AGBL1: variants seen among roughly 807,000 people sequenced by gnomAD.
The protein encoded by AGBL1 is AGBL carboxypeptidase 1, also known as cytosolic carboxypeptidase 4.
A neutral mutation model predicts 118.9 loss-of-function variants in AGBL1; 130 were observed. The observed-to-expected ratio is 1.09, with a 90% CI of 0.95 to 1.26. The LOEUF (loss-of-function observed/expected upper bound fraction) is 1.26. Among genes scored for constraint, AGBL1 ranks in the 50% most tolerant of loss-of-function variants. The probability of loss-of-function intolerance (pLI) is 0.00; values close to 1 mark genes in which losing one functional copy is unlikely to be tolerated. For synonymous variants in AGBL1, 555 were observed against 478.9 expected (o/e 1.16, Z -2.08); for missense variants, 1,584 against 1,298.1 (o/e 1.22, Z -3.38).
At chr15:86,258,144 T>C (rs910234895) in intron 9 of AGBL1, 113 bp downstream of exon 9, 6 of 1,017,392 alleles carry the variant, frequency 5.9e-6, no homozygotes, top group Non-Finnish European at 5.9e-6. Flanking sequence ...CTGACTTTAG[T>C]ACTGCCACTC....
At chr15:86,409,215 G>T (rs921075264) in intron 18 of AGBL1, among the ~76,000 whole-genome samples, 2 of 152,140 alleles carry the variant, frequency 1.3e-5, no homozygotes, top group South Asian at 2.1e-4. Context: ...TGGTGCAACC[G>T]TCCAAACCTC....
Position 86,637,284 on chromosome 15 carries a change from T to C in AGBL1, c.2995-36989T>C, listed in dbSNP as rs116024132. 4.2e-3 allele frequency among the ~76,000 whole-genome samples: 635 copies of C among 151,964 alleles called. 5 individuals carry two copies. Among genetic ancestry groups the C allele is most frequent in the African/African-American group, 0.013 (554 of 41,430 alleles). On this transcript the variant is annotated intron_variant, in intron 21 of 22. Coordinates refer to ENST00000614907, the MANE Select transcript of AGBL1 (RefSeq NM_001386094.1). Reference sequence around the variant, plus strand: ...ATGAAGAGTGGAGGGTCATGAAAAGTGTGAGAATGTGGCATGTCAGGGAGA... The same window carrying C: ...ATGAAGAGTGGAGGGTCATGAAAAGCGTGAGAATGTGGCATGTCAGGGAGA...
At chr15:86,446,595 G>A (rs990148609) in intron 18 of AGBL1, among the ~76,000 whole-genome samples, 4 of 152,042 alleles carry the variant, frequency 2.6e-5, no homozygotes, top group African/African-American at 7.2e-5. Context: ...CATTTATATC[G>A]AATCTCTCTT....
At chr15:86,338,468 G>A (rs893950112) in intron 17 of AGBL1, among the ~76,000 whole-genome samples, 18 of 151,948 alleles carry the variant, frequency 1.2e-4, no homozygotes, top group Admixed American at 1.1e-3. Flanking sequence ...AGAGTGATAC[G>A]TTATGTTTTA....
intron 17 of AGBL1, among the ~76,000 whole-genome samples, chr15:86,343,357 C>T (rs1292471353): frequency 1.3e-5 from 2 of 152,098 alleles, no homozygotes; most frequent in African/African-American, 2.4e-5. Flanking sequence ...TCCCCTGCAT[C>T]CCATTGTCGT....
At chr15:86,758,899 G>C (rs866666313) in intron 22 of AGBL1, among the ~76,000 whole-genome samples, 2 of 150,346 alleles carry the variant, frequency 1.3e-5, no homozygotes, top group Non-Finnish European at 3.0e-5. Context: ...TTTGAGCCTG[G>C]GAGGCAGAGG....
intron 20 of AGBL1, 92 bp downstream of exon 20, chr15:86,546,225 T>G: frequency 7.6e-7 from 1 of 1,314,472 alleles, no homozygotes; most frequent in Non-Finnish European, 9.9e-7. Flanking sequence ...TATTTAGTTT[T>G]TTTTTTTTTT....
chr15:86,376,885 G>C (rs1239042051), intron 17 of AGBL1, among the ~76,000 whole-genome samples: 3 of 152,242 alleles, frequency 2.0e-5, no homozygotes, highest in Non-Finnish European at 2.9e-5. Context: ...GGGTAAAGTT[G>C]ATGCTTCATT....
At chr15:86,641,341 T>C (rs1027901631) in intron 21 of AGBL1, among the ~76,000 whole-genome samples, 5 of 152,060 alleles carry the variant, frequency 3.3e-5, no homozygotes, top group African/African-American at 1.2e-4. Flanking sequence ...AAATAACGTA[T>C]AGAATATATG....
At chr15:86,588,093 T>C (rs1218557012) in intron 21 of AGBL1, among the ~76,000 whole-genome samples, 1 of 152,250 alleles carries the variant, frequency 6.6e-6, no homozygotes, top group Non-Finnish European at 1.5e-5. Context: ...GTAATGCTTA[T>C]GTTTAATTGC....
intron 23 of AGBL1, among the ~76,000 whole-genome samples, chr15:86,978,358 A>G (rs1449787073): frequency 6.6e-6 from 1 of 152,214 alleles, no homozygotes; most frequent in Non-Finnish European, 1.5e-5. Flanking sequence ...GGGCACATAT[A>G]TTAGTGATGG....
chr15:86,865,798 T>A (rs1350031340), intron 22 of AGBL1, among the ~76,000 whole-genome samples: 34 of 152,216 alleles, frequency 2.2e-4, no homozygotes, highest in Admixed American at 2.2e-3. Flanking sequence ...TTAGCCTATC[T>A]GTGTTCAGAT....
At position 86,270,046 on chromosome 15, in the gene AGBL1, C is replaced by G. The variant is rs111352592; in HGVS notation, c.1966C>G (p.Pro656Ala). 7 of 1,612,538 alleles carry G rather than the reference C, an allele frequency of 4.3e-6. No individual in the cohort carries two copies. The highest frequency in any genetic ancestry group is 5.9e-6 in the Non-Finnish European group (7 of 1,179,326). Residue 656 changes from proline to alanine, a missense_variant, in exon 14 of 23, where the codon CCC becomes GCC. Pro to Ala is a conservative substitution (Grantham distance 27). Transcript: ENST00000614907. ...CTTCAACATCATCAACTGTGAGAAG[C>G]CCAACAGCCAGTTTAATTATGGTAT... ...YHFNIINCEK[P>A]NSQFNYGMQP... is the part of the protein sequence containing the mutation.
intron 20 of AGBL1, among the ~76,000 whole-genome samples, chr15:86,553,378 G>A (rs1203796564): frequency 6.6e-6 from 1 of 152,084 alleles, no homozygotes; most frequent in Non-Finnish European, 1.5e-5. Context: ...GTCTAGAGAT[G>A]CCTTCTAAAT....
intron 22 of AGBL1, among the ~76,000 whole-genome samples, chr15:86,901,504 A>T (rs966453743): frequency 6.6e-6 from 1 of 151,926 alleles, no homozygotes; most frequent in Non-Finnish European, 1.5e-5. Flanking sequence ...TTTCTTTTCT[A>T]TTGCACTATA....
chr15:87,012,009 A>T (rs1325803568), intron 24 of AGBL1, among the ~76,000 whole-genome samples: 1 of 152,176 alleles, frequency 6.6e-6, no homozygotes, highest in African/African-American at 2.4e-5. Context: ...TAGCCAATTT[A>T]ATTTTCTTCT....
chr15:86,235,968 C>T (rs1018417649), intron 6 of AGBL1, among the ~76,000 whole-genome samples: 1 of 152,162 alleles, frequency 6.6e-6, no homozygotes, highest in Non-Finnish European at 1.5e-5. Context: ...AAATAGTGTT[C>T]TATACAGAGG....
At chr15:86,287,784 A>G (rs537074636) in intron 16 of AGBL1, among the ~76,000 whole-genome samples, 2 of 152,316 alleles carry the variant, frequency 1.3e-5, no homozygotes, top group South Asian at 4.1e-4. Context: ...CATAGAAATA[A>G]TTCAGCAAGA....
rs368686843 is a variant in AGBL1, at chr15:86,271,624, C to T, written c.1993C>T (p.Gln665Ter). 3.1e-6 allele frequency: 5 copies of T among 1,609,916 alleles called. No individual in the cohort carries two copies. Among genetic ancestry groups the T allele is most frequent in the Non-Finnish European group, 4.3e-6 (5 of 1,176,368 alleles). Residue 665 changes from glutamine to a stop codon, truncating the protein, a stop_gained, in exon 15 of 23, where the codon CAG becomes TAG. Transcript: ENST00000614907. LOFTEE classifies it high-confidence loss of function. ...TCCTTTCTGATTTTGTGTAGGGATG[C>T]AGCCCACCCTATATTCTGTGAAGGA... ...KPNSQFNYGM[Q>*]PTLYSVKEAL...
Sources: gnomAD v4.1 joint callset for allele counts (sites outside exome capture counted in the v4.1 genomes callset) on GRCh38, gnomAD v4.1.1 for gene constraint, MANE v1.5 for transcripts, NCBI Gene and HGNC (gene_info 2026-07-23, HGNC 2026-07-21) for gene names.